The following CUBN variants were observed in gnomAD, a reference collection of about 807,000 sequenced individuals.
CUBN encodes 460 kDa receptor.
In CUBN, 282 loss-of-function variants were observed where a neutral mutation model predicts 405.3. That is an observed-to-expected ratio of 0.70 (90% CI 0.63 to 0.77). CUBN has a LOEUF of 0.77. Among genes scored for constraint, CUBN ranks in the 30% least tolerant of loss-of-function variants. The probability of loss-of-function intolerance (pLI) is 0.00; values close to 1 mark genes in which losing one functional copy is unlikely to be tolerated. For missense variants in CUBN, 4,514 were observed against 4,475.2 expected, an observed-to-expected ratio of 1.01 and a Z score of -0.25; for synonymous variants, 1,684 against 1,617.0, an observed-to-expected ratio of 1.04 and a Z score of -0.99.
At chr10:16,843,697 T>C (rs1297768123) in intron 60 of CUBN, among the ~76,000 whole-genome samples, 1 of 152,028 alleles carries the variant, frequency 6.6e-6, no homozygotes, top group Non-Finnish European at 1.5e-5. Flanking sequence ...GCCTCTGTGC[T>C]AGATCCCAGG....
Position 16,904,202 on chromosome 10 carries a change from T to C in CUBN, c.7913-87A>G, listed in dbSNP as rs539898899. The C allele has an allele frequency of 3.2e-5, 40 of 1,256,384 alleles. No homozygotes were observed. The African/African-American group carries it at 5.4e-4, about 17-fold the overall frequency. 77.8% of individuals were successfully genotyped at this position (1,256,384 alleles called of 1,614,324 possible). On this transcript the variant is annotated intron_variant, in intron 50 of 66. Transcript: ENST00000377833. ...AATTTGATAAAAACAAATTTCAAGA[T>C]ATTCATTGACACACACTTAAATTCT... is the stretch of plus-strand genomic sequence containing the variant.
chr10:17,004,165 A>G (rs1458833873), intron 28 of CUBN, among the ~76,000 whole-genome samples: 1 of 152,132 alleles, frequency 6.6e-6, no homozygotes, highest in Admixed American at 6.5e-5. Flanking sequence ...ATTTTCCCCA[A>G]TGACTTCCAG....
At chr10:17,044,244 T>C in intron 25 of CUBN, among the ~76,000 whole-genome samples, 1 of 145,092 alleles carries the variant, frequency 6.9e-6, no homozygotes, top group African/African-American at 2.6e-5. Flanking sequence ...CATATATTTA[T>C]ATATGTATTA....
At position 17,129,729 on chromosome 10, in the gene CUBN, G is replaced by C. The variant is rs369206414; in HGVS notation, c.37C>G (p.Leu13Val). The change falls in exon 1 of 67, where the codon CTT (leucine) becomes GTT (valine). Residue 13 changes from leucine (L) to valine (V), a missense_variant. This residue lies in a region of CUBN where 1,448 missense variants were observed against 1,388.0 expected (regional missense o/e 1.04). Transcript: ENST00000377833. ...NMSLPFLWSL[L>V]TLLIFAEVNG... Reference sequence around the variant, plus strand: ...ACTTCAGCAAATATTAATAAGGTAAGCAAACTCCAAAGAAAAGGTAAAGAC... The same window carrying C: ...ACTTCAGCAAATATTAATAAGGTAACCAAACTCCAAAGAAAAGGTAAAGAC... 1.2e-6 allele frequency: 2 copies of C among 1,614,026 alleles called. No individual in the cohort carries two copies.
chr10:17,013,142 C>T (rs1349647047), intron 28 of CUBN, among the ~76,000 whole-genome samples: 5 of 152,178 alleles, frequency 3.3e-5, no homozygotes, highest in Admixed American at 3.3e-4. Context: ...ATAGGGTACA[C>T]TGTTTTTTCT....
chr10:16,825,100 A>T lies in CUBN; in HGVS notation c.10765-18T>A, dbSNP rs754731251. 4.5e-6 allele frequency: 7 copies of T among 1,549,918 alleles called. No individual in the cohort carries two copies. The East Asian group carries it at 1.1e-4, about 25-fold the overall frequency. ...CTGGTGTCCTAAAATTGAAAAAAAA[A>T]GTATCCAATTATATATTTCACATAT... is the stretch of plus-strand genomic sequence containing the variant. On this transcript the variant is annotated intron_variant, in intron 66 of 66. Coordinates refer to ENST00000377833, the MANE Select transcript of CUBN (RefSeq NM_001081.4).
rs1168922701 is a variant in CUBN at position 16,920,005 on chromosome 10, T to C, written c.6779A>G (p.Gln2260Arg). 15 of 1,613,798 alleles carry C rather than the reference T, an allele frequency of 9.3e-6. No individual in the cohort carries two copies. The highest frequency in any genetic ancestry group is 1.3e-5 in the Non-Finnish European group (15 of 1,179,972). Residue 2260 changes from glutamine (Q) to arginine (R), a missense_variant, in exon 44 of 67, where the codon CAG becomes CGG. By Grantham distance (43) the Gln-to-Arg change is conservative (BLOSUM62 1). Transcript: ENST00000377833. ...ILAAPPETRI[Q>R]LQFEDRFDIE... ...ATCGAATCGATCTTCAAATTGCAGC[T>C]GTATGCGTGTTTCCGGTGGAGCCGC... is the stretch of plus-strand genomic sequence containing the variant.
At chr10:17,125,281 C>T (rs1279075465) in intron 4 of CUBN, among the ~76,000 whole-genome samples, 15 of 151,920 alleles carry the variant, frequency 9.9e-5, no homozygotes, top group Admixed American at 7.9e-4. Flanking sequence ...ATACTATATA[C>T]AGTGACTCAT....
intron 31 of CUBN, among the ~76,000 whole-genome samples, chr10:16,971,723 T>C (rs1043179729): frequency 2.0e-5 from 3 of 152,144 alleles, no homozygotes; most frequent in Non-Finnish European, 2.9e-5. Context: ...CCTGAAAACA[T>C]GATTTTCTCT....
At position 16,825,071 on chromosome 10, in the gene CUBN, T is replaced by A; in HGVS notation, c.10776A>T (p.Ile3592=). ...GATTTGAGGAAGCCACGAAGGGAGCTATGCTGGTGTCCTAAAATTGAAAAA... is the reference window on the plus strand; with the variant it reads ...GATTTGAGGAAGCCACGAAGGGAGCAATGCTGGTGTCCTAAAATTGAAAAA... ...SGPYCGGDTS[I]APFVASSNQV... Residue 3592 remains isoleucine, a synonymous_variant, in exon 67 of 67, where the codon ATA becomes ATT. Transcript: ENST00000377833. 1 of 1,612,408 alleles carries A rather than the reference T, an allele frequency of 6.2e-7. No individual in the cohort carries two copies. The highest frequency in any genetic ancestry group is 8.5e-7 in the Non-Finnish European group (1 of 1,178,616).
At chr10:17,126,861 A>G (rs1837203627) in intron 3 of CUBN, 62 bp from the exon 4 acceptor site, 1 of 1,550,752 alleles carries the variant, frequency 6.4e-7, no homozygotes. Context: ...ATGTGATGTT[A>G]TATCCTTGAC....
At chr10:17,082,169 T>G (rs1387167966) in intron 17 of CUBN, among the ~76,000 whole-genome samples, 2 of 152,212 alleles carry the variant, frequency 1.3e-5, no homozygotes, top group Admixed American at 1.3e-4. Context: ...TCAAGCTTCT[T>G]TTTATCATTT....
chr10:17,070,682 G>C (rs191356941), intron 19 of CUBN, among the ~76,000 whole-genome samples: 8 of 152,200 alleles, frequency 5.3e-5, no homozygotes, highest in Non-Finnish European at 7.4e-5. Context: ...CTGGTGTATA[G>C]AAAAAGAAAG....
intron 29 of CUBN, among the ~76,000 whole-genome samples, chr10:16,988,288 C>T (rs1205583091): frequency 6.6e-6 from 1 of 152,206 alleles, no homozygotes; most frequent in Admixed American, 6.5e-5. Context: ...GGGTCTTATG[C>T]AACCAAGCAA....
At chr10:16,852,483 C>T (rs1839746384) in intron 59 of CUBN, among the ~76,000 whole-genome samples, 1 of 147,076 alleles carries the variant, frequency 6.8e-6, no homozygotes, top group Admixed American at 6.8e-5. Flanking sequence ...TTCCCTCCCT[C>T]ACTCTATCTT....
chr10:16,920,697 T>C (rs1268067689), intron 43 of CUBN, among the ~76,000 whole-genome samples: 8 of 152,230 alleles, frequency 5.3e-5, no homozygotes, highest in African/African-American at 1.9e-4. Flanking sequence ...CTTTTTAATA[T>C]TTCTTTTCTA....
At chr10:16,865,948 C>T (rs1281515307) in intron 59 of CUBN, among the ~76,000 whole-genome samples, 1 of 152,080 alleles carries the variant, frequency 6.6e-6, no homozygotes, top group African/African-American at 2.4e-5. Flanking sequence ...ACAAACCCAC[C>T]AGAAGGAACC....
intron 60 of CUBN, among the ~76,000 whole-genome samples, chr10:16,845,220 G>A (rs544227377): frequency 7.9e-5 from 12 of 152,288 alleles, no homozygotes; most frequent in African/African-American, 2.4e-4. Flanking sequence ...AATGCACAAG[G>A]GCAATAGACT....
chr10:16,841,936 C>T (rs1364316476), intron 60 of CUBN, among the ~76,000 whole-genome samples: 1 of 139,602 alleles, frequency 7.2e-6, no homozygotes, highest in Non-Finnish European at 1.6e-5. Context: ...AAAAAGATAT[C>T]CCCAACTCAA....
Sources: gnomAD v4.1 joint callset for allele counts (sites outside exome capture counted in the v4.1 genomes callset) on GRCh38, gnomAD v4.1.1 for gene constraint, gnomAD v4.1.1 regional missense constraint, MANE v1.5 for transcripts, NCBI Gene and HGNC (gene_info 2026-07-23, HGNC 2026-07-21) for gene names.